MED8: variants seen among roughly 807,000 people sequenced by gnomAD.
The protein encoded by MED8 is mediator of RNA polymerase II transcription subunit 8.
A neutral mutation model predicts 34.8 loss-of-function variants in MED8; 22 were observed. The observed-to-expected ratio is 0.63, with a 90% CI of 0.45 to 0.90. The LOEUF (loss-of-function observed/expected upper bound fraction) is 0.90. MED8 is among the 40% of genes least tolerant of loss of function. The pLI, the probability that MED8 is intolerant of heterozygous loss-of-function variation, is 0.00. For synonymous variants in MED8, 105 were observed against 120.2 expected (o/e 0.87, Z 0.83); for missense variants, 260 against 326.3 (o/e 0.80, Z 1.57).
chr1:43,387,853 G>GA (rs1208485872), intron 2 of MED8, among the ~76,000 whole-genome samples: 1 of 152,212 alleles, frequency 6.6e-6, no homozygotes, highest in Non-Finnish European at 1.5e-5. Context: ...AACAGACGTA[G>GA]AAAAAACCCA....
chr1:43,388,710 A>C, intron 1 of MED8: 1 of 352,138 alleles, frequency 2.8e-6, no homozygotes, highest in East Asian at 5.4e-5. Context: ...TGTTAGGTAC[A>C]CCCTACACTC....
In MED8 at chr1:43,386,111, G is replaced by A; in HGVS notation, c.609C>T (p.Gly203=). Residue 203 remains glycine (G), a synonymous_variant, in exon 6 of 7, where the codon GGC becomes GGT. Coordinates refer to ENST00000372457, the MANE Select transcript of MED8 (RefSeq NM_201542.5). The surrounding 1 kb of genome is among the most constrained non-coding windows in gnomAD (Gnocchi z 4.9). ...TCCCAGCTCCTGGCTGGCCTGCCTG[G>A]CCAGGACCACTGCTGCCTGAAGGTC... The part of the protein sequence containing the change: ...NWRPSGSSGP[G]QAGQPGAGTI... 6.2e-7 allele frequency: 1 copy of A among 1,613,996 alleles called. No individual in the cohort carries two copies. Among genetic ancestry groups the A allele is most frequent in the South Asian group, 1.1e-5 (1 of 91,080 alleles).
chr1:43,389,625 G>A lies in MED8; in HGVS notation c.6+134C>T, dbSNP rs1647993788. On this transcript the variant is annotated intron_variant, in intron 1 of 6. Transcript: ENST00000372457. ...CCGCTCCAATTAGCCTCGCCCCCCA[G>A]CCCACATTCCCTTATCAGCCGTGGG... 8.8e-6 allele frequency: 12 copies of A among 1,369,244 alleles called. No homozygotes were observed. The East Asian group carries it at 3.3e-4, about 37-fold the overall frequency. The allele number at this position is 1,369,244 out of a possible 1,614,324, so 84.8% of individuals were successfully genotyped here. A position where few individuals can be genotyped will look rare whatever the true frequency, so the allele number is the denominator to read the frequency against.
At position 43,387,322 on chromosome 1, in the gene MED8, G is replaced by T. The variant is rs16830738; in HGVS notation, c.270+181C>A. Among the ~76,000 whole-genome samples the T allele has an allele frequency of 7.1e-3, 1,083 of 152,310 alleles. 10 individuals are homozygous for T. The highest frequency in any genetic ancestry group is 0.025 in the African/African-American group (1,028 of 41,566). On this transcript the variant is annotated intron_variant, in intron 3 of 6. Transcript: ENST00000372457. ...GGAGAAGAAAGGTATCAGCCTTGGT[G>T]ACATACCCCTCAGGTTATTACAGCA... is the stretch of plus-strand genomic sequence containing the variant.
rs1202684117 is a variant in MED8, at chr1:43,386,600, G to A, written c.482C>T (p.Ser161Leu). 1 of 1,611,746 alleles carries A rather than the reference G, an allele frequency of 6.2e-7. No homozygotes were observed. Among genetic ancestry groups the A allele is most frequent in the Admixed American group, 1.7e-5 (1 of 59,724 alleles). ...LEKISKEERESESGGLRPNKQ... is the reference protein window; with the variant it reads ...LEKISKEERELESGGLRPNKQ... The stretch of plus-strand genomic sequence containing the variant: ...CAGTCCCATCATACCTCCACTCTCT[G>A]ATTCTCGCTCCTCTTTGCTGATTTT... Residue 161 changes from serine to leucine, a missense_variant, in exon 5 of 7, where the codon TCA (serine) becomes TTA (leucine). Physicochemically the swap from Ser to Leu is moderately radical, Grantham distance 145. Transcript: ENST00000372457. This position sits in a 1 kb window ranked among gnomAD's most constrained non-coding sequence, Gnocchi z 4.9.
At chr1:43,385,142 G>GT in intron 6 of MED8, 36 bp from the exon 7 acceptor site, 1 of 1,549,170 alleles carries the variant, frequency 6.5e-7, no homozygotes, top group Non-Finnish European at 8.7e-7. Flanking sequence ...CTTAAGCAAG[G>GT]TAAGACTTTC....
At position 43,386,785 on chromosome 1, in the gene MED8, A is replaced by G; in HGVS notation, c.411+73T>C. ...GCGCAACCAACTATGTATCCCTACT[A>G]GACAGGAATGGTAATGCCTAGCTTC... On this transcript the variant is annotated intron_variant, in intron 4 of 6. Transcript: ENST00000372457. The surrounding 1 kb of genome is among the most constrained non-coding windows in gnomAD (Gnocchi z 4.9). 1.3e-5 allele frequency: 21 copies of G among 1,607,536 alleles called. No homozygotes were observed. Among genetic ancestry groups the G allele is most frequent in the Non-Finnish European group, 1.8e-5 (21 of 1,176,220 alleles).
Position 43,386,280 on chromosome 1 carries a change from G to A in MED8, c.494-54C>T, listed in dbSNP as rs1486922559. 16 of 1,575,562 alleles carry A rather than the reference G, an allele frequency of 1.0e-5. No individual in the cohort carries two copies. The highest frequency in any genetic ancestry group is 2.2e-5 in the East Asian group (1 of 44,570). ...GTATGCTTCTGATGCAGGACTGAAC[G>A]TGGCAGCTGGAAGACCAGTATGAGT... On this transcript the variant is annotated intron_variant, in intron 5 of 6. Coordinates refer to ENST00000372457, the MANE Select transcript of MED8 (RefSeq NM_201542.5). The surrounding 1 kb of genome is among the most constrained non-coding windows in gnomAD (Gnocchi z 4.9).
Position 43,386,401 on chromosome 1 carries a change from C to G in MED8, c.494-175G>C. 9.4e-7 allele frequency: 1 copy of G among 1,063,080 alleles called. No homozygotes were observed. Among genetic ancestry groups the G allele is most frequent in the Admixed American group, 2.7e-5 (1 of 37,218 alleles). The allele number at this position is 1,063,080 out of a possible 1,614,324, so 65.9% of individuals were successfully genotyped here. Reference sequence around the variant, plus strand: ...CCCCAAGCCTATCTCAGAATTCTCTCTTCTTACTTTGCCCATTTCCTCCAC... The same window carrying G: ...CCCCAAGCCTATCTCAGAATTCTCTGTTCTTACTTTGCCCATTTCCTCCAC... On this transcript the variant is annotated intron_variant, in intron 5 of 6. Transcript: ENST00000372457. The surrounding 1 kb of genome is among the most constrained non-coding windows in gnomAD (Gnocchi z 4.9).
chr1:43,385,095 T>C lies in MED8; in HGVS notation c.754A>G (p.Ser252Gly). The stretch of plus-strand genomic sequence containing the variant: ...GACTTGATGTTGGTTTTTATTCCAC[T>C]TGGCATTTTCCCTGAAAGGAACATT... Reference protein sequence around the residue: ...AQAGQPGKMPSGIKTNIKSAS... With the variant: ...AQAGQPGKMPGGIKTNIKSAS... The change falls in exon 7 of 7, where the codon AGT becomes GGT. Residue 252 changes from serine to glycine, a missense_variant. Ser to Gly is a moderately conservative substitution (Grantham distance 56). Coordinates refer to ENST00000372457, the MANE Select transcript of MED8 (RefSeq NM_201542.5). 1 of 1,555,148 alleles carries C rather than the reference T, an allele frequency of 6.4e-7. No homozygotes were observed. The highest frequency in any genetic ancestry group is 8.7e-7 in the Non-Finnish European group (1 of 1,148,626).
Position 43,389,329 on chromosome 1 carries a change from G to C in MED8, c.6+430C>G, listed in dbSNP as rs911608426. Among the ~76,000 whole-genome samples the C allele has an allele frequency of 1.2e-4, 18 of 152,094 alleles. 1 individual carries two copies. Among genetic ancestry groups the C allele is most frequent in the Admixed American group, 5.9e-4 (9 of 15,266 alleles). ...AAGCTGCTTAGCTTTCAGCCATCGC[G>C]GCCCACAATTCCCTCACTGCTTGGG... On this transcript the variant is annotated intron_variant, in intron 1 of 6. Transcript: ENST00000372457.
At chr1:43,388,491 T>C in intron 1 of MED8, 63 bp from the exon 2 acceptor site, 2 of 1,593,990 alleles carry the variant, frequency 1.3e-6, no homozygotes, top group South Asian at 2.2e-5. Flanking sequence ...AAAGGAGGGC[T>C]GGAAAGCCAA....
In MED8 at chr1:43,389,784, G is replaced by A. The variant is rs747373161; in HGVS notation, c.-20C>T. 3.1e-6 allele frequency: 5 copies of A among 1,609,826 alleles called. No homozygotes were observed. The highest frequency in any genetic ancestry group is 1.7e-5 in the Admixed American group (1 of 59,512). ...CTGCATTGCGGCGGCCGAGGCGGCT[G>A]CCACGATTTCACTTCCGGTTTTCCA... is the stretch of plus-strand genomic sequence containing the variant. On this transcript the variant is annotated 5_prime_UTR_variant, in exon 1 of 7. Transcript: ENST00000372457.
In MED8 at chr1:43,386,688, G is replaced by A. The variant is rs749942961; in HGVS notation, c.412-18C>T. The stretch of plus-strand genomic sequence containing the variant: ...ATCTGCTTCTGTAACACACAAATTT[G>A]TGCAGAGATTAGGGTAACTAGGAAA... On this transcript the variant is annotated intron_variant, in intron 4 of 6. Transcript: ENST00000372457. This position sits in a 1 kb window ranked among gnomAD's most constrained non-coding sequence, Gnocchi z 4.9. The A allele has an allele frequency of 2.5e-6, 4 of 1,604,918 alleles. No homozygotes were observed. The highest frequency in any genetic ancestry group is 1.3e-5 in the African/African-American group (1 of 74,854).
Position 43,384,330 on chromosome 1 carries a change from A to G in MED8, c.*712T>C. The G allele has an allele frequency of 7.6e-7, 1 of 1,314,146 alleles. No homozygotes were observed. Among genetic ancestry groups the G allele is most frequent in the Non-Finnish European group, 1.0e-6 (1 of 983,010 alleles). 81.4% of individuals were successfully genotyped at this position (1,314,146 alleles called of 1,614,324 possible). On this transcript the variant is annotated 3_prime_UTR_variant, in exon 7 of 7. Coordinates refer to ENST00000372457, the MANE Select transcript of MED8 (RefSeq NM_201542.5). ...CCACATAGTCCTGCCTGGCAGAGCCACTTCCTGAGAAAGCCTCGTGTGTAT... is the reference window on the plus strand; with the variant it reads ...CCACATAGTCCTGCCTGGCAGAGCCGCTTCCTGAGAAAGCCTCGTGTGTAT...
At chr1:43,387,330 C>T (rs1320792601) in intron 3 of MED8, among the ~76,000 whole-genome samples, 173 bp downstream of exon 3, 1 of 152,118 alleles carries the variant, frequency 6.6e-6, no homozygotes, top group Admixed American at 6.5e-5. Flanking sequence ...GTGACATACC[C>T]CTCAGGTTAT....
Position 43,386,663 on chromosome 1 carries a change from A to G in MED8, c.419T>C (p.Ile140Thr), listed in dbSNP as rs201929515. 2.4e-4 allele frequency: 381 copies of G among 1,609,752 alleles called. No homozygotes were observed. Among genetic ancestry groups the G allele is most frequent in the Non-Finnish European group, 3.1e-4 (368 of 1,177,988 alleles). ...RIGADAAQKQ[I>T]QSLNKMCSNL... ...TGAACACATTTTATTCAAGCTCTGGATCTGCTTCTGTAACACACAAATTTG... is the reference window on the plus strand; with the variant it reads ...TGAACACATTTTATTCAAGCTCTGGGTCTGCTTCTGTAACACACAAATTTG... Residue 140 changes from isoleucine to threonine, a missense_variant, in exon 5 of 7, where the codon ATC (isoleucine) becomes ACC (threonine). Transcript: ENST00000372457. This position sits in a 1 kb window ranked among gnomAD's most constrained non-coding sequence, Gnocchi z 4.9.
chr1:43,388,010 C>T (rs938264710), intron 2 of MED8, among the ~76,000 whole-genome samples: 7 of 152,212 alleles, frequency 4.6e-5, no homozygotes, highest in Admixed American at 4.6e-4. Context: ...CTCTAAAAGA[C>T]TCAGCCACAT....
chr1:43,385,540 G>T (rs1647697953), intron 6 of MED8: 1 of 235,796 alleles, frequency 4.2e-6, no homozygotes, highest in African/African-American at 2.3e-5. Context: ...GAGAAGGCAG[G>T]AAGCCAAGAG....
Sources: gnomAD v4.1 joint callset for allele counts (sites outside exome capture counted in the v4.1 genomes callset) on GRCh38, gnomAD v4.1.1 for gene constraint, Gnocchi (gnomAD v3.1) non-coding constraint, MANE v1.5 for transcripts, NCBI Gene and HGNC (gene_info 2026-07-23, HGNC 2026-07-21) for gene names.